The following OPCML variants were observed in gnomAD, a reference collection of about 807,000 sequenced individuals.
OPCML encodes opioid-binding protein/cell adhesion molecule.
Under a neutral mutation model 37.8 loss-of-function variants are expected in OPCML, and 13 were observed. The observed-to-expected ratio is 0.34, with a 90% CI of 0.22 to 0.55. The LOEUF (loss-of-function observed/expected upper bound fraction) is 0.55. Among genes scored for constraint, OPCML ranks in the 20% least tolerant of loss-of-function variants. The pLI, the probability that OPCML is intolerant of heterozygous loss-of-function variation, is 0.91. For missense variants in OPCML, 341 were observed against 435.6 expected (o/e 0.78, Z 1.93); for synonymous variants, 176 against 168.8 (o/e 1.04, Z -0.33).
chr11:132,643,348 G>T (rs1313416095), intron 3 of OPCML, among the ~76,000 whole-genome samples: 1 of 152,200 alleles, frequency 6.6e-6, no homozygotes, highest in African/African-American at 2.4e-5. Flanking sequence ...GGAGAGCAGA[G>T]ACCCTCCCTG....
chr11:132,703,995 G>C (rs943406546), intron 2 of OPCML, among the ~76,000 whole-genome samples: 36 of 152,168 alleles, frequency 2.4e-4, no homozygotes, highest in African/African-American at 8.4e-4. Context: ...TTGGAACCTG[G>C]ATTTGCAGCA....
At chr11:132,686,965 G>A (rs1040304610) in intron 2 of OPCML, among the ~76,000 whole-genome samples, 1 of 152,080 alleles carries the variant, frequency 6.6e-6, no homozygotes, top group Non-Finnish European at 1.5e-5. Flanking sequence ...ACCCCTTCTG[G>A]ACATCAGAGA....
intron 1 of OPCML, among the ~76,000 whole-genome samples, chr11:133,338,539 C>T (rs1943792737): frequency 6.6e-6 from 1 of 152,192 alleles, no homozygotes; most frequent in South Asian, 2.1e-4. Context: ...ACCACTGGCC[C>T]TTCCGGCCAG....
intron 3 of OPCML, among the ~76,000 whole-genome samples, chr11:132,617,681 G>C (rs1939125055): frequency 1.3e-5 from 2 of 152,214 alleles, no homozygotes; most frequent in South Asian, 4.1e-4. Context: ...GATGAAGTTG[G>C]CATCAAGGTT....
At chr11:132,982,475 G>A (rs1332891744) in intron 1 of OPCML, among the ~76,000 whole-genome samples, 2 of 141,966 alleles carry the variant, frequency 1.4e-5, no homozygotes, top group Non-Finnish European at 3.1e-5. Context: ...CGTTGGACAA[G>A]ACAAGAAAGT....
At chr11:132,687,047 T>C (rs1176714223) in intron 2 of OPCML, among the ~76,000 whole-genome samples, 1 of 151,988 alleles carries the variant, frequency 6.6e-6, no homozygotes, top group African/African-American at 2.4e-5. Flanking sequence ...TGTAGGGTCA[T>C]TTGGCAGAGA....
At chr11:133,440,762 T>TTATATATATATATATATATATATATATA (rs58808691) in intron 1 of OPCML, among the ~76,000 whole-genome samples, 66 of 126,848 alleles carry the variant, frequency 5.2e-4, no homozygotes, top group African/African-American at 2.2e-3. Flanking sequence ...CCTACAGCAA[T>TTATATATATATATATATATATATATATA]TATATATATA....
intron 2 of OPCML, among the ~76,000 whole-genome samples, chr11:132,664,850 T>C (rs540102730): frequency 6.0e-4 from 91 of 152,308 alleles, no homozygotes; most frequent in Admixed American, 1.8e-3. Context: ...GAGCTAATAT[T>C]TGCTGATAAG....
intron 1 of OPCML, among the ~76,000 whole-genome samples, chr11:133,112,587 T>C (rs1410076526): frequency 6.6e-6 from 1 of 152,252 alleles, no homozygotes; most frequent in East Asian, 1.9e-4. Context: ...TTTGTATAAA[T>C]AAAAGGTGTC....
At chr11:132,993,592 G>C (rs181152470) in intron 1 of OPCML, among the ~76,000 whole-genome samples, 1 of 151,996 alleles carries the variant, frequency 6.6e-6, no homozygotes, top group East Asian at 1.9e-4. Context: ...GCGCTGCCCC[G>C]CTCCCTACTT....
At chr11:133,365,787 T>C (rs1264882889) in intron 1 of OPCML, 1 of 152,204 alleles carries the variant, frequency 6.6e-6, no homozygotes, top group Non-Finnish European at 1.5e-5. Flanking sequence ...GGTCATAAGA[T>C]GGCTGCTGAC....
chr11:133,093,209 T>C (rs1466040922), intron 1 of OPCML, among the ~76,000 whole-genome samples: 2 of 152,034 alleles, frequency 1.3e-5, no homozygotes, highest in African/African-American at 4.8e-5. Flanking sequence ...TGTAGTCTTT[T>C]CTCCCTTGCC....
chr11:132,694,141 TCTC>T (rs1324397478), intron 2 of OPCML, among the ~76,000 whole-genome samples: 2 of 148,426 alleles, frequency 1.3e-5, no homozygotes, highest in African/African-American at 2.5e-5. Flanking sequence ...AGAGCTTTCT[TCTC>T]CTAGAAAAAG....
At chr11:133,026,271 T>TA in intron 1 of OPCML, 2 of 752,866 alleles carry the variant, frequency 2.7e-6, no homozygotes, top group Non-Finnish European at 3.2e-6. Flanking sequence ...TGCATACATG[T>TA]AAAAAATGGT....
intron 2 of OPCML, among the ~76,000 whole-genome samples, chr11:132,937,350 G>A (rs955275813): frequency 6.6e-6 from 1 of 152,152 alleles, no homozygotes; most frequent in South Asian, 2.1e-4. Flanking sequence ...ACTTAAAAAG[G>A]TTAAACAATT....
At chr11:132,681,310 G>C (rs1473296797) in intron 2 of OPCML, among the ~76,000 whole-genome samples, 1 of 152,136 alleles carries the variant, frequency 6.6e-6, no homozygotes, top group Non-Finnish European at 1.5e-5. Flanking sequence ...GGCCTGCCCT[G>C]CCCCCTGTCC....
intron 1 of OPCML, among the ~76,000 whole-genome samples, chr11:133,427,360 A>G (rs1592286719): frequency 7.1e-6 from 1 of 140,418 alleles, no homozygotes; most frequent in Non-Finnish European, 1.5e-5. Context: ...ACCTTCCTAA[A>G]TTAATATGGG....
chr11:133,520,563 G>A (rs191339138), intron 1 of OPCML, among the ~76,000 whole-genome samples: 2 of 152,288 alleles, frequency 1.3e-5, no homozygotes, highest in East Asian at 3.9e-4. Context: ...GCATTCATCA[G>A]CCCATGTGTA....
intron 1 of OPCML, among the ~76,000 whole-genome samples, chr11:133,451,741 C>T (rs929928074): frequency 1.3e-5 from 2 of 149,780 alleles, no homozygotes; most frequent in Non-Finnish European, 2.9e-5. Context: ...TACTTGGAGG[C>T]TGAGGCAGGA....
Sources: allele counts gnomAD v4.1 joint callset (sites outside exome capture counted in the v4.1 genomes callset), GRCh38; gene constraint gnomAD v4.1.1; transcripts MANE v1.5; gene names NCBI Gene and HGNC (gene_info 2026-07-23, HGNC 2026-07-21).